The following DNAJC1 variants were observed in gnomAD, a reference collection of about 807,000 sequenced individuals.
DNAJC1 encodes DnaJ heat shock protein family (Hsp40) member C1.
In DNAJC1, 58 loss-of-function variants were observed where a neutral mutation model predicts 76.6. That is an observed-to-expected ratio of 0.76 (90% CI 0.61 to 0.94). DNAJC1 has a LOEUF of 0.94. DNAJC1 is among the 40% of genes least tolerant of loss of function. The pLI is 0.00. For synonymous variants in DNAJC1, 258 were observed against 267.9 expected, an observed-to-expected ratio of 0.96 and a Z score of 0.36; for missense variants, 689 against 677.3, an observed-to-expected ratio of 1.02 and a Z score of -0.19.
chr10:21,973,451 T>C (rs1433990514), intron 1 of DNAJC1, among the ~76,000 whole-genome samples: 1 of 152,218 alleles, frequency 6.6e-6, no homozygotes, highest in Non-Finnish European at 1.5e-5. Flanking sequence ...GACTCTATTG[T>C]TCTATTGTGA....
chr10:21,985,109 G>A (rs1003374107), intron 1 of DNAJC1, among the ~76,000 whole-genome samples: 3 of 152,062 alleles, frequency 2.0e-5, no homozygotes, highest in African/African-American at 7.3e-5. Flanking sequence ...CCCATTATAA[G>A]AGTATAATTC....
intron 9 of DNAJC1, among the ~76,000 whole-genome samples, chr10:21,782,699 C>T (rs1388457925): frequency 1.3e-5 from 2 of 152,178 alleles, no homozygotes; most frequent in African/African-American, 2.4e-5. Context: ...AAAGCTTATC[C>T]ACCATGATCA....
rs45496395 is a variant in DNAJC1, at chr10:21,927,128, G to C, written c.371+1378C>G. On this transcript the variant is annotated intron_variant, in intron 3 of 11. Coordinates refer to ENST00000376980, the MANE Select transcript of DNAJC1 (RefSeq NM_022365.4). Reference sequence around the variant, plus strand: ...GAATGACCAAAACTTCTTTCAACACGCTTCTTGGACTCTTTCAACACTATG... The same window carrying C: ...GAATGACCAAAACTTCTTTCAACACCCTTCTTGGACTCTTTCAACACTATG... Among the ~76,000 whole-genome samples, 976 of 152,186 alleles carry C rather than the reference G, an allele frequency of 6.4e-3. 2 individuals are homozygous for C. Among genetic ancestry groups the C allele is most frequent in the Admixed American group, 0.012 (184 of 15,292 alleles).
At chr10:22,002,566 C>T (rs547850386) in intron 1 of DNAJC1, among the ~76,000 whole-genome samples, 1 of 152,292 alleles carries the variant, frequency 6.6e-6, no homozygotes, top group African/African-American at 2.4e-5. Flanking sequence ...AACTTAACAC[C>T]TCCAACCTGG....
chr10:21,927,180 G>C (rs540301775), intron 3 of DNAJC1, among the ~76,000 whole-genome samples: 5 of 152,296 alleles, frequency 3.3e-5, no homozygotes, highest in African/African-American at 1.2e-4. Flanking sequence ...AGGAATGTCT[G>C]CTATGGTATC....
intron 1 of DNAJC1, among the ~76,000 whole-genome samples, chr10:21,973,975 GC>G (rs1378381567): frequency 2.2e-4 from 33 of 151,712 alleles, no homozygotes; most frequent in Admixed American, 2.2e-3. Context: ...GGAGGTGCGT[GC>G]CTGCAATCCC....
At chr10:21,831,243 TCA>T (rs1407434422) in intron 8 of DNAJC1, among the ~76,000 whole-genome samples, 1 of 152,146 alleles carries the variant, frequency 6.6e-6, no homozygotes, top group Non-Finnish European at 1.5e-5. Flanking sequence ...CAGGATTTTC[TCA>T]TTCTCCTTTC....
intron 1 of DNAJC1, among the ~76,000 whole-genome samples, chr10:21,937,787 G>T (rs555329211): frequency 2.6e-5 from 4 of 152,132 alleles, no homozygotes; most frequent in Admixed American, 2.6e-4. Flanking sequence ...ATAATGAAAT[G>T]AAATCAGAAA....
chr10:21,811,587 T>G (rs1295423766), intron 8 of DNAJC1, among the ~76,000 whole-genome samples: 1 of 152,192 alleles, frequency 6.6e-6, no homozygotes, highest in Non-Finnish European at 1.5e-5. Flanking sequence ...TTTAGTCTTT[T>G]AAAGAAACTA....
intron 9 of DNAJC1, among the ~76,000 whole-genome samples, chr10:21,772,976 CA>C (rs892124123): frequency 2.0e-5 from 3 of 152,068 alleles, no homozygotes; most frequent in African/African-American, 7.2e-5. Context: ...GGAAATGGTG[CA>C]TACTTTTAAA....
chr10:21,863,806 T>G (rs1835953301), intron 8 of DNAJC1, among the ~76,000 whole-genome samples: 1 of 152,108 alleles, frequency 6.6e-6, no homozygotes, highest in Non-Finnish European at 1.5e-5. Flanking sequence ...CTCAGCAGAC[T>G]AGAAATAGAA....
At chr10:21,860,596 A>C (rs1226958524) in intron 8 of DNAJC1, 1 of 152,868 alleles carries the variant, frequency 6.5e-6, no homozygotes, top group African/African-American at 2.4e-5. Flanking sequence ...TGGGAGGCTG[A>C]GGCAGGAGAA....
chr10:21,836,958 C>T (rs1032356196), intron 8 of DNAJC1, among the ~76,000 whole-genome samples: 3 of 152,170 alleles, frequency 2.0e-5, no homozygotes, highest in African/African-American at 7.2e-5. Flanking sequence ...CCTCTGATGC[C>T]GAGCCGAAGC....
At chr10:21,901,123 C>G (rs576922111) in intron 7 of DNAJC1, among the ~76,000 whole-genome samples, 8 of 152,132 alleles carry the variant, frequency 5.3e-5, no homozygotes, top group Non-Finnish European at 1.2e-4. Flanking sequence ...GACCACAAAA[C>G]AAGAAGAAAA....
chr10:21,871,340 GAAAAA>G (rs755212716), intron 8 of DNAJC1, among the ~76,000 whole-genome samples: 1 of 98,922 alleles, frequency 1.0e-5, no homozygotes. Context: ...TAGAAGCGGG[GAAAAA>G]AAAAAAAAAA....
chr10:21,767,912 T>A (rs1018810784), intron 9 of DNAJC1, among the ~76,000 whole-genome samples: 4 of 152,122 alleles, frequency 2.6e-5, no homozygotes, highest in Non-Finnish European at 4.4e-5. Flanking sequence ...GCAGAACTGC[T>A]TGAACCCAGG....
At chr10:21,864,427 C>A (rs1686125018) in intron 8 of DNAJC1, among the ~76,000 whole-genome samples, 1 of 152,048 alleles carries the variant, frequency 6.6e-6, no homozygotes, top group Non-Finnish European at 1.5e-5. Flanking sequence ...TGAGACCATC[C>A]TGGCTAATGC....
chr10:21,944,170 G>GTTT (rs11411342), intron 1 of DNAJC1, among the ~76,000 whole-genome samples: 1 of 148,968 alleles, frequency 6.7e-6, no homozygotes. Flanking sequence ...TCACATAAAG[G>GTTT]TTTTTTTTTT....
At position 21,759,613 on chromosome 10, in the gene DNAJC1, C is replaced by T. The variant is rs1454355141; in HGVS notation, c.1153G>A (p.Val385Ile). The T allele has an allele frequency of 6.2e-7, 1 of 1,612,300 alleles. No homozygotes were observed. Among genetic ancestry groups the T allele is most frequent in the Non-Finnish European group, 8.5e-7 (1 of 1,179,016 alleles). ...GTCGATTTGAGTTCGGAGAGTCTAA[C>T]CATTCCTAGGAAAGAGGGTGTGCCA... ...KDSVTCSPGM[V>I]RLSELKSTVQ... Residue 385 changes from valine (V) to isoleucine (I), a missense_variant, in exon 11 of 12, where the codon GTT becomes ATT. Coordinates refer to ENST00000376980, the MANE Select transcript of DNAJC1 (RefSeq NM_022365.4).
Sources: allele counts gnomAD v4.1 joint callset (sites outside exome capture counted in the v4.1 genomes callset), GRCh38; gene constraint gnomAD v4.1.1; transcripts MANE v1.5; gene names NCBI Gene and HGNC (gene_info 2026-07-23, HGNC 2026-07-21).